C10orf143: variants seen among roughly 807,000 people sequenced by gnomAD.
The protein encoded by C10orf143 is uncharacterized protein C10orf143.
chr10:130,054,575 C>A (rs1441554184), intron 3 of C10orf143, among the ~76,000 whole-genome samples: 1 of 152,188 alleles, frequency 6.6e-6, no homozygotes, highest in African/African-American at 2.4e-5. Flanking sequence ...GTGCTATTTT[C>A]AGTTTTCTGA....
intron 1 of C10orf143, among the ~76,000 whole-genome samples, chr10:130,093,273 CACA>C (rs1270452685): frequency 6.6e-6 from 1 of 152,136 alleles, no homozygotes; most frequent in Non-Finnish European, 1.5e-5. Context: ...CTCAAAACCG[CACA>C]ACTACATGGA....
At chr10:130,044,663 T>G (rs893095650) in intron 3 of C10orf143, among the ~76,000 whole-genome samples, 6 of 152,102 alleles carry the variant, frequency 3.9e-5, no homozygotes, top group African/African-American at 1.4e-4. Flanking sequence ...CCATTTGGCT[T>G]CTGATGGAAG....
rs1242127390 is a variant in C10orf143 at position 130,064,342 on chromosome 10, A to G, written c.*12T>C. 2.5e-6 allele frequency: 1 copy of G among 398,452 alleles called. No individual in the cohort carries two copies. The highest frequency in any genetic ancestry group is 3.6e-5 in the East Asian group (1 of 28,092). The allele number at this position is 398,452 out of a possible 1,614,324, so 24.7% of individuals were successfully genotyped here. A position where few individuals can be genotyped will look rare whatever the true frequency, so the allele number is the denominator to read the frequency against. On this transcript the variant is annotated 3_prime_UTR_variant, in exon 4 of 4. Coordinates refer to ENST00000637128, the MANE Select transcript of C10orf143 (RefSeq NM_001355042.2). ...CCAAAACTGGGACCTTCTTTTTTCC[A>G]GCTTGCATCTTCTAATGATTCTTGG...
chr10:130,102,727 T>C lies in C10orf143; in HGVS notation c.69+7977A>G, dbSNP rs190792155. On this transcript the variant is annotated intron_variant, in intron 1 of 3. Coordinates refer to ENST00000637128, the MANE Select transcript of C10orf143 (RefSeq NM_001355042.2). ...TTTTGCTTCATGTATTTTGAAGCTCTGTTGTTAGATGCATAAACATTGATG... is the reference window on the plus strand; with the variant it reads ...TTTTGCTTCATGTATTTTGAAGCTCCGTTGTTAGATGCATAAACATTGATG... Among the ~76,000 whole-genome samples, 74 of 152,352 alleles carry C rather than the reference T, an allele frequency of 4.9e-4. No homozygotes were observed. The East Asian group carries it at 0.013, about 27-fold the overall frequency.
intron 1 of C10orf143, among the ~76,000 whole-genome samples, chr10:130,109,229 G>A (rs957158384): frequency 6.6e-6 from 1 of 152,158 alleles, no homozygotes; most frequent in African/African-American, 2.4e-5. Flanking sequence ...ATTTTCCAGG[G>A]CAGTGAAGTA....
chr10:130,079,277 G>A (rs637600), intron 3 of C10orf143, among the ~76,000 whole-genome samples: 91,414 of 147,132 alleles, frequency 0.62, 28,205 homozygotes, highest in Admixed American at 0.72. Context: ...GTCCTTAAAT[G>A]ATTCTCTATT....
chr10:130,050,127 G>A (rs1405548476), intron 3 of C10orf143, among the ~76,000 whole-genome samples: 3 of 152,230 alleles, frequency 2.0e-5, no homozygotes, highest in African/African-American at 7.2e-5. Flanking sequence ...ACAGGTGGTG[G>A]GACCCGCCTG....
intron 1 of C10orf143, among the ~76,000 whole-genome samples, chr10:130,087,740 A>G (rs1476479803): frequency 6.6e-6 from 1 of 152,228 alleles, no homozygotes; most frequent in Non-Finnish European, 1.5e-5. Context: ...GAGAAGAGCC[A>G]GCCCTTATAT....
intron 3 of C10orf143, among the ~76,000 whole-genome samples, chr10:130,072,108 C>T (rs1861043729): frequency 6.6e-6 from 1 of 151,522 alleles, no homozygotes; most frequent in Admixed American, 6.6e-5. Flanking sequence ...GTATGTAAAT[C>T]TCATTTATAA....
At chr10:130,042,177 G>T (rs2134723400) in intron 3 of C10orf143, among the ~76,000 whole-genome samples, 1 of 152,332 alleles carries the variant, frequency 6.6e-6, no homozygotes. Context: ...AGAAGGGAAT[G>T]ATTATTACTT....
chr10:130,095,633 C>T (rs1365511444), intron 1 of C10orf143, among the ~76,000 whole-genome samples: 5 of 152,214 alleles, frequency 3.3e-5, no homozygotes, highest in South Asian at 2.1e-4. Flanking sequence ...TCAGAAATAA[C>T]GCCACACATC....
chr10:130,098,743 C>T (rs1198640591), intron 1 of C10orf143, among the ~76,000 whole-genome samples: 2 of 152,154 alleles, frequency 1.3e-5, no homozygotes, highest in East Asian at 3.9e-4. Context: ...CTTGCCGATC[C>T]TAACCTCATT....
At chr10:130,037,664 G>A (rs770690852) in intron 3 of C10orf143, among the ~76,000 whole-genome samples, 3 of 152,206 alleles carry the variant, frequency 2.0e-5, no homozygotes, top group Non-Finnish European at 2.9e-5. Flanking sequence ...CACTCACAGG[G>A]ACAAAAATAC....
At chr10:130,094,015 T>TAA (rs61617138) in intron 1 of C10orf143, among the ~76,000 whole-genome samples, 10,124 of 137,632 alleles carry the variant, frequency 0.074, 742 homozygotes, top group African/African-American at 0.19. Context: ...ATCTCACCAT[T>TAA]AAAAAAAAAA....
chr10:130,107,637 C>G lies in C10orf143; in HGVS notation c.69+3067G>C. On this transcript the variant is annotated intron_variant, in intron 1 of 3. Transcript: ENST00000637128. ...GGTCGGCCTTCATCTGAAACGAGAG[C>G]TTTTCTCTCTCCCGCAACTCTGTTG... is the stretch of plus-strand genomic sequence containing the variant. 3.8e-6 allele frequency: 5 copies of G among 1,331,906 alleles called. No homozygotes were observed. The South Asian group carries it at 5.9e-5, about 16-fold the overall frequency. 82.5% of individuals were successfully genotyped at this position (1,331,906 alleles called of 1,614,324 possible). A position where few individuals can be genotyped will look rare whatever the true frequency, so the allele number is the denominator to read the frequency against.
chr10:130,100,653 A>G (rs1269757897), intron 1 of C10orf143, among the ~76,000 whole-genome samples: 1 of 152,258 alleles, frequency 6.6e-6, no homozygotes, highest in Non-Finnish European at 1.5e-5. Context: ...ATAAAAATCA[A>G]ATGTTATGAG....
At chr10:130,078,923 G>T (rs1023955785) in intron 3 of C10orf143, among the ~76,000 whole-genome samples, 2 of 152,056 alleles carry the variant, frequency 1.3e-5, no homozygotes, top group Non-Finnish European at 2.9e-5. Flanking sequence ...GCAATATTAA[G>T]ATTCCAAATG....
chr10:130,064,115 G>A lies in C10orf143; in HGVS notation c.*239C>T. 5.4e-6 allele frequency: 2 copies of A among 370,388 alleles called. No homozygotes were observed. 22.9% of individuals were successfully genotyped at this position (370,388 alleles called of 1,614,324 possible). On this transcript the variant is annotated 3_prime_UTR_variant, in exon 4 of 4. Coordinates refer to ENST00000637128, the MANE Select transcript of C10orf143 (RefSeq NM_001355042.2). Reference sequence around the variant, plus strand: ...CAGGAACATTCGAAAGGAGGCTGTAGTACGTAGTAAGGATTTGGGGGCTCT... The same window carrying A: ...CAGGAACATTCGAAAGGAGGCTGTAATACGTAGTAAGGATTTGGGGGCTCT...
At chr10:130,073,596 G>A (rs976341608) in intron 3 of C10orf143, among the ~76,000 whole-genome samples, 2 of 151,006 alleles carry the variant, frequency 1.3e-5, no homozygotes, top group African/African-American at 2.4e-5. Flanking sequence ...TTCTCTCTTC[G>A]CCTATTACGT....
Sources: allele counts gnomAD v4.1 joint callset (sites outside exome capture counted in the v4.1 genomes callset), GRCh38; gene constraint gnomAD v4.1.1; transcripts MANE v1.5; gene names NCBI Gene and HGNC (gene_info 2026-07-23, HGNC 2026-07-21).